The following DCPH1 variants were observed in gnomAD, a reference collection of about 807,000 sequenced individuals.
The protein encoded by DCPH1 is damage-control phosphatase 1.
chr6:151,461,976 C>G, the DCPH1 span, among the ~76,000 whole-genome samples: 2 of 152,148 alleles, frequency 1.3e-5, no homozygotes, highest in African/African-American at 4.8e-5. Context: ...TTTTTAGGTT[C>G]TTCTATGGGG....
At chr6:151,469,143 A>T in the DCPH1 span, 5 of 1,547,398 alleles carry the variant, frequency 3.2e-6, no homozygotes, top group Non-Finnish European at 4.4e-6. Context: ...GCATAGAAAG[A>T]TCTGGTGAGC....
the DCPH1 span, among the ~76,000 whole-genome samples, chr6:151,454,008 G>A: frequency 1.3e-5 from 2 of 152,252 alleles, no homozygotes; most frequent in East Asian, 3.9e-4. Flanking sequence ...GATAGAGAAG[G>A]CAGAGAAGGG....
At chr6:151,463,883 A>T in the DCPH1 span, among the ~76,000 whole-genome samples, 1 of 152,216 alleles carries the variant, frequency 6.6e-6, no homozygotes, top group East Asian at 1.9e-4. Flanking sequence ...GCCATGCCAC[A>T]TATATCACCT....
chr6:151,462,486 A>C, the DCPH1 span, among the ~76,000 whole-genome samples: 1 of 152,230 alleles, frequency 6.6e-6, no homozygotes, highest in African/African-American at 2.4e-5. Context: ...TGTGAGACTC[A>C]TCCATATGTT....
At chr6:151,466,371 G>A in the DCPH1 span, among the ~76,000 whole-genome samples, 1 of 151,360 alleles carries the variant, frequency 6.6e-6, no homozygotes, top group Admixed American at 6.6e-5. Flanking sequence ...CTTTGAATGT[G>A]TTCTTTGTCC....
the DCPH1 span, among the ~76,000 whole-genome samples, chr6:151,461,148 T>G: frequency 6.6e-6 from 1 of 152,296 alleles, no homozygotes; most frequent in Non-Finnish European, 1.5e-5. Context: ...TTTCCTAATT[T>G]TGGAAAATAT....
chr6:151,454,735 C>T, the DCPH1 span: 1 of 672,416 alleles, frequency 1.5e-6, no homozygotes, highest in East Asian at 2.9e-5. Flanking sequence ...ATCAATTTTC[C>T]TTTAAATGTA....
At chr6:151,452,470 C>T in the DCPH1 span, 229 of 1,536,736 alleles carry the variant, frequency 1.5e-4, 4 homozygotes, top group South Asian at 2.2e-3. Context: ...TTCTCAGCTC[C>T]TCCTTCGCGG....
chr6:151,467,447 T>A, the DCPH1 span, among the ~76,000 whole-genome samples: 2 of 151,734 alleles, frequency 1.3e-5, no homozygotes, highest in Admixed American at 1.3e-4. Flanking sequence ...AAAAAAAAAA[T>A]CACAAATGAG....
chr6:151,459,608 G>A, the DCPH1 span, among the ~76,000 whole-genome samples: 26 of 152,070 alleles, frequency 1.7e-4, no homozygotes, highest in Non-Finnish European at 2.2e-4. Context: ...CCTGGTGAGC[G>A]TGGCGAAACC....
the DCPH1 span, among the ~76,000 whole-genome samples, chr6:151,466,439 T>G: frequency 1.3e-5 from 2 of 152,158 alleles, no homozygotes; most frequent in Non-Finnish European, 2.9e-5. Flanking sequence ...GTCATCTGAT[T>G]TAGCTAACAA....
At chr6:151,463,147 TCAGA>T in the DCPH1 span, among the ~76,000 whole-genome samples, 84 of 152,296 alleles carry the variant, frequency 5.5e-4, no homozygotes, top group Non-Finnish European at 9.4e-4. Flanking sequence ...AGCATGTGAG[TCAGA>T]CAGAACAGGT....
the DCPH1 span, among the ~76,000 whole-genome samples, chr6:151,463,091 T>C: frequency 1.3e-5 from 2 of 152,242 alleles, no homozygotes; most frequent in Non-Finnish European, 2.9e-5. Flanking sequence ...ATACTACTTT[T>C]CTTTCACTTT....
the DCPH1 span, among the ~76,000 whole-genome samples, chr6:151,460,763 G>A: frequency 1.3e-5 from 2 of 150,728 alleles, no homozygotes; most frequent in African/African-American, 4.9e-5. Context: ...CAGCCTGGGT[G>A]AAAGAGCAAG....
chr6:151,459,383 C>CT, the DCPH1 span, among the ~76,000 whole-genome samples: 2 of 152,090 alleles, frequency 1.3e-5, no homozygotes, highest in Non-Finnish European at 2.9e-5. Flanking sequence ...AATCTTTCAT[C>CT]TTTTTTTAAA....
chr6:151,468,501 A>G, the DCPH1 span: 42 of 1,613,274 alleles, frequency 2.6e-5, no homozygotes, highest in Middle Eastern at 1.6e-4. Flanking sequence ...GCAAGAAAAC[A>G]AGAGAAAAAG....
chr6:151,455,408 G>C, the DCPH1 span, among the ~76,000 whole-genome samples: 3 of 143,994 alleles, frequency 2.1e-5, no homozygotes, highest in Non-Finnish European at 4.6e-5. Context: ...GTGTTTCTCC[G>C]AGAGAGGGAT....
At chr6:151,453,663 T>G in the DCPH1 span, among the ~76,000 whole-genome samples, 1 of 152,202 alleles carries the variant, frequency 6.6e-6, no homozygotes, top group African/African-American at 2.4e-5. Context: ...AACAATTGTC[T>G]CCTGTGATCT....
At chr6:151,467,221 A>T in the DCPH1 span, among the ~76,000 whole-genome samples, 1 of 151,748 alleles carries the variant, frequency 6.6e-6, no homozygotes, top group Non-Finnish European at 1.5e-5. Flanking sequence ...ACCGCACTCC[A>T]GCCTCGGTGA....
Sources: gnomAD v4.1 joint callset for allele counts (sites outside exome capture counted in the v4.1 genomes callset) on GRCh38, gnomAD v4.1.1 for gene constraint, MANE v1.5 for transcripts, NCBI Gene and HGNC (gene_info 2026-07-23, HGNC 2026-07-21) for gene names.